The following GRID2 variants were observed in gnomAD, a reference collection of about 807,000 sequenced individuals.
GRID2 encodes the protein glutamate receptor ionotropic, delta-2.
A neutral mutation model predicts 114.8 loss-of-function variants in GRID2; 33 were observed. That is an observed-to-expected ratio of 0.29 (90% CI 0.22 to 0.38). The LOEUF (loss-of-function observed/expected upper bound fraction) is 0.38, where lower values mean the gene tolerates loss of function less well. Ranked by LOEUF, GRID2 falls within the 10% of genes least tolerant of loss-of-function variation. GRID2 has a pLI of 1.00. For missense variants in GRID2, 1,184 were observed against 1,257.7 expected, an observed-to-expected ratio of 0.94 and a Z score of 0.89; for synonymous variants, 505 against 449.9, an observed-to-expected ratio of 1.12 and a Z score of -1.55.
intron 2 of GRID2, among the ~76,000 whole-genome samples, chr4:92,998,685 A>ATT (rs963089184): frequency 6.8e-6 from 1 of 147,106 alleles, no homozygotes; most frequent in African/African-American, 2.5e-5. Flanking sequence ...CTCTTGTCAG[A>ATT]TTTTTTTTTT....
chr4:92,756,185 A>C (rs1443268942), intron 2 of GRID2, among the ~76,000 whole-genome samples: 1 of 152,192 alleles, frequency 6.6e-6, no homozygotes, highest in Non-Finnish European at 1.5e-5. Context: ...ATGAGTGAGC[A>C]CATGGGATAT....
At chr4:92,609,436 A>T (rs1187323882) in intron 2 of GRID2, among the ~76,000 whole-genome samples, 2 of 147,316 alleles carry the variant, frequency 1.4e-5, no homozygotes, top group Non-Finnish European at 1.5e-5. Context: ...AGTTAGTATT[A>T]AAAAAAATGA....
chr4:92,540,588 A>G (rs141096623), intron 1 of GRID2, among the ~76,000 whole-genome samples: 67,105 of 151,994 alleles, frequency 0.44, 14,958 homozygotes, highest in Middle Eastern at 0.56. Context: ...CAAAACCACA[A>G]TGAGATATCA....
intron 1 of GRID2, among the ~76,000 whole-genome samples, chr4:92,586,192 A>T (rs754617045): frequency 1.6e-4 from 24 of 151,984 alleles, no homozygotes; most frequent in Non-Finnish European, 3.1e-4. Context: ...CACCAAAAAT[A>T]AAACCAAGAA....
chr4:93,351,227 T>A (rs1398972134), intron 8 of GRID2, among the ~76,000 whole-genome samples: 1 of 152,066 alleles, frequency 6.6e-6, no homozygotes, highest in Admixed American at 6.6e-5. Flanking sequence ...TACGTACAAG[T>A]ACTTCAAACC....
chr4:92,697,112 C>T (rs974733840), intron 2 of GRID2, among the ~76,000 whole-genome samples: 2 of 152,190 alleles, frequency 1.3e-5, no homozygotes, highest in Non-Finnish European at 2.9e-5. Context: ...GTTTATAACA[C>T]ATATATCCTC....
chr4:92,516,253 GACCTTTTGGT>G (rs1724495179), intron 1 of GRID2, among the ~76,000 whole-genome samples: 1 of 151,762 alleles, frequency 6.6e-6, no homozygotes, highest in Non-Finnish European at 1.5e-5. Context: ...TATAACTTTT[GACCTTTTGGT>G]TTATAATGTC....
At chr4:92,393,314 T>C (rs999620794) in intron 1 of GRID2, among the ~76,000 whole-genome samples, 2 of 152,208 alleles carry the variant, frequency 1.3e-5, no homozygotes, top group African/African-American at 4.8e-5. Context: ...ATATCAATTA[T>C]TATCTTTCCA....
chr4:92,607,427 G>A (rs17321497), intron 2 of GRID2, among the ~76,000 whole-genome samples: 3,976 of 151,842 alleles, frequency 0.026, 79 homozygotes, highest in Non-Finnish European at 0.035. Context: ...ATTCTTTGTA[G>A]GAGCGTTATA....
At chr4:92,967,344 G>A (rs1014464498) in intron 2 of GRID2, among the ~76,000 whole-genome samples, 10 of 151,830 alleles carry the variant, frequency 6.6e-5, no homozygotes, top group African/African-American at 1.7e-4. Flanking sequence ...AACACACTCC[G>A]ATGCTTCACA....
chr4:93,508,560 A>T (rs191650786), intron 12 of GRID2, among the ~76,000 whole-genome samples: 68 of 152,306 alleles, frequency 4.5e-4, no homozygotes, highest in African/African-American at 1.5e-3. Context: ...ATGGCTAATA[A>T]TATATAGTTA....
intron 8 of GRID2, among the ~76,000 whole-genome samples, chr4:93,365,163 G>T (rs1484011217): frequency 1.3e-5 from 2 of 152,080 alleles, no homozygotes; most frequent in Admixed American, 6.6e-5. Context: ...TTTATGTGAG[G>T]TATGTACTAC....
rs546912602 is a variant in GRID2 at position 93,638,202 on chromosome 4, C to T, written c.2360+11767C>T. 3.3e-5 allele frequency among the ~76,000 whole-genome samples: 5 copies of T among 150,984 alleles called. No homozygotes were observed. In the East Asian group the frequency reaches 7.8e-4, roughly 24 times the overall value. ...TCTGCTTCTGTCATTTTATAAAGCT[C>T]TTTATTTTTTAAATGTTAGTAACTA... On this transcript the variant is annotated intron_variant, in intron 14 of 15. Transcript: ENST00000282020.
intron 2 of GRID2, among the ~76,000 whole-genome samples, chr4:92,950,028 A>T (rs1271346166): frequency 6.6e-6 from 1 of 152,072 alleles, no homozygotes; most frequent in Admixed American, 6.6e-5. Flanking sequence ...TTATATAACT[A>T]TTTGAGAAAA....
intron 2 of GRID2, among the ~76,000 whole-genome samples, chr4:92,782,944 C>G (rs1244600626): frequency 2.0e-5 from 3 of 151,898 alleles, no homozygotes; most frequent in East Asian, 3.9e-4. Flanking sequence ...TGTTTTCCAA[C>G]CTTGTTAGAG....
At chr4:93,038,065 C>G (rs1039258289) in intron 2 of GRID2, among the ~76,000 whole-genome samples, 11 of 152,136 alleles carry the variant, frequency 7.2e-5, no homozygotes, top group African/African-American at 2.7e-4. Context: ...GCCATTTTCA[C>G]AGTGTTGATT....
At chr4:92,939,211 T>G (rs1750903924) in intron 2 of GRID2, among the ~76,000 whole-genome samples, 1 of 147,342 alleles carries the variant, frequency 6.8e-6, no homozygotes, top group Admixed American at 7.3e-5. Flanking sequence ...TTTCTCCACA[T>G]CCTCTCCAGC....
chr4:92,480,830 G>A (rs1722552911), intron 1 of GRID2, among the ~76,000 whole-genome samples: 1 of 152,072 alleles, frequency 6.6e-6, no homozygotes, highest in South Asian at 2.1e-4. Flanking sequence ...TTTCCTTTGA[G>A]CTTTCTTCAA....
chr4:92,607,875 G>T (rs1415117090), intron 2 of GRID2, among the ~76,000 whole-genome samples: 1 of 151,862 alleles, frequency 6.6e-6, no homozygotes, highest in Non-Finnish European at 1.5e-5. Context: ...TGAAAAATGT[G>T]TGCGTAAACA....
Sources: allele counts gnomAD v4.1 joint callset (sites outside exome capture counted in the v4.1 genomes callset), GRCh38; gene constraint gnomAD v4.1.1; transcripts MANE v1.5; gene names NCBI Gene and HGNC (gene_info 2026-07-23, HGNC 2026-07-21).